The following TIMD4 variants were observed in gnomAD, a reference collection of about 807,000 sequenced individuals.
TIMD4 encodes the protein T cell immunoglobulin and mucin domain containing 4.
Under a neutral mutation model 41.2 loss-of-function variants are expected in TIMD4, and 31 were observed. The observed-to-expected ratio is 0.75, with a 90% CI of 0.57 to 1.01. The LOEUF is 1.01. TIMD4 is among the 50% of genes least tolerant of loss of function. TIMD4 has a pLI of 0.00. For synonymous variants in TIMD4, 204 were observed against 177.1 expected, an observed-to-expected ratio of 1.15 and a Z score of -1.21; for missense variants, 479 against 472.5, an observed-to-expected ratio of 1.01 and a Z score of -0.13.
chr5:156,919,803 T>C (rs1759201442), intron 8 of TIMD4, among the ~76,000 whole-genome samples: 1 of 152,210 alleles, frequency 6.6e-6, no homozygotes, highest in Non-Finnish European at 1.5e-5. Context: ...CCAAAAGGTC[T>C]CTAAGTGTGA....
At chr5:156,962,815 T>C (rs1405947372) in intron 1 of TIMD4, among the ~76,000 whole-genome samples, 1 of 152,252 alleles carries the variant, frequency 6.6e-6, no homozygotes, top group Non-Finnish European at 1.5e-5. Context: ...TCCTGGCTTA[T>C]TGATTATATG....
intron 5 of TIMD4, among the ~76,000 whole-genome samples, 190 bp from the exon 6 acceptor site, chr5:156,926,502 A>C (rs757005127): frequency 3.2e-4 from 49 of 152,226 alleles, no homozygotes; most frequent in Middle Eastern, 3.2e-3. Flanking sequence ...TTTATCTGCT[A>C]TACAACGTTA....
intron 1 of TIMD4, among the ~76,000 whole-genome samples, chr5:156,960,488 C>A (rs1338813345): frequency 1.3e-5 from 2 of 150,074 alleles, no homozygotes; most frequent in African/African-American, 4.9e-5. Flanking sequence ...CTCACTGCAA[C>A]CTCTGCCTCT....
intron 1 of TIMD4, among the ~76,000 whole-genome samples, chr5:156,956,927 C>T (rs1235130135): frequency 6.6e-6 from 1 of 152,098 alleles, no homozygotes; most frequent in Non-Finnish European, 1.5e-5. Context: ...ACTCAGCTGG[C>T]AGTAACATCC....
chr5:156,956,131 CCACCCACT>C (rs1361099240), intron 1 of TIMD4, among the ~76,000 whole-genome samples: 18 of 152,090 alleles, frequency 1.2e-4, no homozygotes, highest in Non-Finnish European at 2.4e-4. Flanking sequence ...TTTCACTATC[CCACCCACT>C]CACCCACCCC....
At chr5:156,960,424 T>C (rs1366613777) in intron 1 of TIMD4, among the ~76,000 whole-genome samples, 2 of 139,296 alleles carry the variant, frequency 1.4e-5, no homozygotes, top group Admixed American at 7.0e-5. Context: ...TTTTTTTTTT[T>C]CAGAAAGAGT....
At chr5:156,942,720 A>G (rs1759670697) in intron 5 of TIMD4, among the ~76,000 whole-genome samples, 1 of 152,234 alleles carries the variant, frequency 6.6e-6, no homozygotes, top group South Asian at 2.1e-4. Context: ...GTTGCTTTGT[A>G]AAATAAATAA....
chr5:156,926,674 T>G (rs1310259140), intron 5 of TIMD4, among the ~76,000 whole-genome samples: 1 of 152,218 alleles, frequency 6.6e-6, no homozygotes, highest in African/African-American at 2.4e-5. Flanking sequence ...TGAGCACCTA[T>G]TATAGGCCAT....
chr5:156,954,508 T>C lies in TIMD4; in HGVS notation c.307A>G (p.Ser103Gly), dbSNP rs1425630903. 6.2e-7 allele frequency: 1 copy of C among 1,614,134 alleles called. No individual in the cohort carries two copies. The highest frequency in any genetic ancestry group is 1.3e-5 in the African/African-American group (1 of 74,940). Residue 103 changes from serine (S) to glycine (G), a missense_variant, in exon 2 of 9, where the codon AGT becomes GGT. Physicochemically the swap from Ser to Gly is moderately conservative, Grantham distance 56. Transcript: ENST00000274532. ...GDVSLTILNP[S>G]ESDSGVYCCR... Reference sequence around the variant, plus strand: ...CAGTACACACCGCTGTCACTTTCACTGGGGTTTAAGATGGTCAAGGAGACA... The same window carrying C: ...CAGTACACACCGCTGTCACTTTCACCGGGGTTTAAGATGGTCAAGGAGACA...
At chr5:156,945,107 T>G (rs761413291) in intron 5 of TIMD4, among the ~76,000 whole-genome samples, 1 of 151,926 alleles carries the variant, frequency 6.6e-6, no homozygotes, top group East Asian at 1.9e-4. Flanking sequence ...CCCTCTGAAG[T>G]GGGTTGGAAG....
rs113711206 is a variant in TIMD4 at position 156,943,555 on chromosome 5, T to A, written c.844+4861A>T. The stretch of plus-strand genomic sequence containing the variant: ...AGGACTAGAAAGAAAGGATAGGGAT[T>A]TGGGATGTTATAGAGGCAGTGAACA... On this transcript the variant is annotated intron_variant, in intron 5 of 8. Transcript: ENST00000274532. 9.5e-3 allele frequency among the ~76,000 whole-genome samples: 1,451 copies of A among 152,218 alleles called. 12 individuals carry two copies. The highest frequency in any genetic ancestry group is 0.017 in the Middle Eastern group (5 of 294).
At chr5:156,926,209 T>C in intron 6 of TIMD4, 54 bp downstream of exon 6, 1 of 1,591,730 alleles carries the variant, frequency 6.3e-7, no homozygotes, top group African/African-American at 1.3e-5. Flanking sequence ...TGGCCACTAC[T>C]GTGGATTTTT....
chr5:156,948,458 T>A lies in TIMD4; in HGVS notation c.802A>T (p.Met268Leu). The part of the protein sequence containing the change: ...WDLPSTSHVS[M>L]WKTSDSVSSP... ...GACACAGAATCACTCGTTTTCCACATTGACACGTGGGATGTTGATGGGAGA... is the reference window on the plus strand; with the variant it reads ...GACACAGAATCACTCGTTTTCCACAATGACACGTGGGATGTTGATGGGAGA... The change falls in exon 5 of 9, where the codon ATG becomes TTG. Residue 268 changes from methionine (M) to leucine (L), a missense_variant. Transcript: ENST00000274532. 1 of 1,557,038 alleles carries A rather than the reference T, an allele frequency of 6.4e-7. No homozygotes were observed. Among genetic ancestry groups the A allele is most frequent in the Non-Finnish European group, 8.7e-7 (1 of 1,150,998 alleles).
Position 156,931,993 on chromosome 5 carries a change from TCTTTTAAAAGGATATAAAACTAC to T in TIMD4, c.845-5704_845-5682del, listed in dbSNP as rs1759451450. ...GAGAAAAATTATCATTACACAGTAT[TCTTTTAAAAGGATATAAAACTAC>T]GCTTAGTATAGGGAATGAGTATGCA... On this transcript the variant is annotated intron_variant, in intron 5 of 8. Transcript: ENST00000274532. Among the ~76,000 whole-genome samples, 2 of 152,166 alleles carry T rather than the reference TCTTTTAAAAGGATATAAAACTAC, an allele frequency of 1.3e-5. 1 individual carries two copies. The highest frequency in any genetic ancestry group is 4.8e-5 in the African/African-American group (2 of 41,424).
At chr5:156,932,978 T>C (rs530565659) in intron 5 of TIMD4, among the ~76,000 whole-genome samples, 1 of 149,612 alleles carries the variant, frequency 6.7e-6, no homozygotes, top group Non-Finnish European at 1.5e-5. Flanking sequence ...CACTCCAGCC[T>C]GGGCAACCGA....
At chr5:156,961,778 C>T (rs1373023122) in intron 1 of TIMD4, among the ~76,000 whole-genome samples, 3 of 117,192 alleles carry the variant, frequency 2.6e-5, no homozygotes, top group South Asian at 2.9e-4. Context: ...CACTGCAGTC[C>T]GGCCTAGGCA....
At position 156,922,104 on chromosome 5, in the gene TIMD4, A is replaced by G. The variant is rs1453782698; in HGVS notation, c.1007T>C (p.Leu336Pro). Residue 336 changes from leucine to proline, a missense_variant, in exon 7 of 9, where the codon CTG (leucine) becomes CCG (proline). Leu to Pro is a moderately conservative substitution (Grantham distance 98). Coordinates refer to ENST00000274532, the MANE Select transcript of TIMD4 (RefSeq NM_138379.3). ...ACCTGGCCCTCCCTCCTTACCTCTCAGGAGAAACGCCACAAACAATGCGAA... is the reference window on the plus strand; with the variant it reads ...ACCTGGCCCTCCCTCCTTACCTCTCGGGAGAAACGCCACAAACAATGCGAA... ...VLFALFVAFLLRGKLMETYCS... is the reference protein window; with the variant it reads ...VLFALFVAFLPRGKLMETYCS... 1 of 1,613,324 alleles carries G rather than the reference A, an allele frequency of 6.2e-7. No individual in the cohort carries two copies. Among genetic ancestry groups the G allele is most frequent in the Non-Finnish European group, 8.5e-7 (1 of 1,179,590 alleles).
chr5:156,928,678 G>A (rs1019053546), intron 5 of TIMD4, among the ~76,000 whole-genome samples: 10 of 152,122 alleles, frequency 6.6e-5, no homozygotes, highest in African/African-American at 2.4e-4. Flanking sequence ...TCATAATTTG[G>A]TATCAGAGAG....
intron 5 of TIMD4, among the ~76,000 whole-genome samples, chr5:156,938,060 T>C (rs181129645): frequency 6.6e-6 from 1 of 152,240 alleles, no homozygotes; most frequent in African/African-American, 2.4e-5. Flanking sequence ...AACTTTTCCA[T>C]GCCCTTGATC....
Sources: gnomAD v4.1 joint callset for allele counts (sites outside exome capture counted in the v4.1 genomes callset) on GRCh38, gnomAD v4.1.1 for gene constraint, MANE v1.5 for transcripts, NCBI Gene and HGNC (gene_info 2026-07-23, HGNC 2026-07-21) for gene names.